MYLK: variants seen among roughly 807,000 people sequenced by gnomAD.
The protein encoded by MYLK is myosin light chain kinase.
A neutral mutation model predicts 203.4 loss-of-function variants in MYLK; 106 were observed. The ratio of observed to expected loss-of-function variants is 0.52; its 90% CI spans 0.45 to 0.61. The LOEUF (loss-of-function observed/expected upper bound fraction) is 0.61. Among genes scored for constraint, MYLK ranks in the 20% least tolerant of loss-of-function variants. The pLI is 0.00. For missense variants in MYLK, 2,072 were observed against 2,442.3 expected, an observed-to-expected ratio of 0.85 and a Z score of 3.20; for synonymous variants, 867 against 959.5, an observed-to-expected ratio of 0.90 and a Z score of 1.78.
chr3:123,843,011 G>A (rs1159321005), intron 2 of MYLK, among the ~76,000 whole-genome samples: 1 of 152,190 alleles, frequency 6.6e-6, no homozygotes, highest in African/African-American at 2.4e-5. Flanking sequence ...TAAGACAGAG[G>A]GCTTGCTGAG....
At chr3:123,622,494 T>C (rs1010104426) in intron 31 of MYLK, 5 of 152,272 alleles carry the variant, frequency 3.3e-5, no homozygotes, top group Non-Finnish European at 5.9e-5. Context: ...TGATGAGGAC[T>C]GTCTTCACCT....
intron 27 of MYLK, among the ~76,000 whole-genome samples, chr3:123,646,095 G>C (rs2059010834): frequency 6.6e-6 from 1 of 152,196 alleles, no homozygotes; most frequent in African/African-American, 2.4e-5. Context: ...CTGCCCTCCA[G>C]CCTCGGCGAC....
At chr3:123,751,831 G>T (rs2063202689) in intron 5 of MYLK, among the ~76,000 whole-genome samples, 1 of 152,160 alleles carries the variant, frequency 6.6e-6, no homozygotes, top group African/African-American at 2.4e-5. Context: ...AGACATCTGA[G>T]AACAGACTTG....
chr3:123,614,263 C>T lies in MYLK; in HGVS notation c.5587G>A (p.Gly1863Arg), dbSNP rs1559957355. ...TCACTAATAATTAAAGAGCAGTTCC[C>T]GTCCTCATCGTAGTCTATCTGGAAG... ...RHFQIDYDED[G>R]NCSLIISDVC... Residue 1863 changes from glycine to arginine, a missense_variant, in exon 34 of 34, where the codon GGG becomes AGG. Physicochemically the swap from Gly to Arg is moderately radical, Grantham distance 125. This residue lies in a region of MYLK where 524 missense variants were observed against 782.4 expected (regional missense o/e 0.67). Coordinates refer to ENST00000360304, the MANE Select transcript of MYLK (RefSeq NM_053025.4). The T allele has an allele frequency of 2.5e-6, 4 of 1,614,126 alleles. No homozygotes were observed. Among genetic ancestry groups the T allele is most frequent in the Non-Finnish European group, 3.4e-6 (4 of 1,180,020 alleles).
In MYLK at chr3:123,733,003, T is replaced by C. The variant is rs757468352; in HGVS notation, c.1409A>G (p.His470Arg). The stretch of plus-strand genomic sequence containing the variant: ...CCGGGCTTTCAGCAGGCAGAGGTAA[T>C]GGGAGCCAGCATCTTCATAAACCTC... ...SIEVYEDAGS[H>R]YLCLLKARTR... The change falls in exon 11 of 34, where the codon CAT becomes CGT. Residue 470 changes from histidine (H) to arginine (R), a missense_variant. Transcript: ENST00000360304. The C allele has an allele frequency of 1.2e-6, 2 of 1,614,176 alleles. No homozygotes were observed. The highest frequency in any genetic ancestry group is 8.5e-7 in the Non-Finnish European group (1 of 1,180,028).
At chr3:123,678,112 T>A (rs1468485916) in intron 20 of MYLK, among the ~76,000 whole-genome samples, 1 of 151,508 alleles carries the variant, frequency 6.6e-6, no homozygotes, top group African/African-American at 2.4e-5. Flanking sequence ...CGCAGTTGAG[T>A]GAGACTCGGC....
At chr3:123,724,830 T>C (rs1417987183) in intron 12 of MYLK, among the ~76,000 whole-genome samples, 1 of 152,128 alleles carries the variant, frequency 6.6e-6, no homozygotes, top group Non-Finnish European at 1.5e-5. Context: ...CTGCAACCTC[T>C]GGCTTCTGGG....
At chr3:123,631,345 C>A (rs1010115688) in intron 29 of MYLK, among the ~76,000 whole-genome samples, 1 of 150,586 alleles carries the variant, frequency 6.6e-6, no homozygotes, top group Non-Finnish European at 1.5e-5. Context: ...TTGCAGTGAG[C>A]CAATATCGCA....
rs372815942 is a variant in MYLK, at chr3:123,666,191, C to T, written c.3831+28G>A. On this transcript the variant is annotated intron_variant, in intron 22 of 33. Coordinates refer to ENST00000360304, the MANE Select transcript of MYLK (RefSeq NM_053025.4). ...GCTGTACGGATTATTCCCAGCACCCCCAGTGCCCACCCCATACCGTCACTG... is the reference window on the plus strand; with the variant it reads ...GCTGTACGGATTATTCCCAGCACCCTCAGTGCCCACCCCATACCGTCACTG... 1.2e-4 allele frequency: 200 copies of T among 1,614,096 alleles called. No homozygotes were observed. The Middle Eastern group carries it at 2.0e-3, about 16-fold the overall frequency.
intron 12 of MYLK, among the ~76,000 whole-genome samples, chr3:123,722,540 G>C (rs1280707301): frequency 6.6e-6 from 1 of 152,196 alleles, no homozygotes; most frequent in East Asian, 1.9e-4. Flanking sequence ...CTAGAGGGAT[G>C]GGGGAGGGAG....
At chr3:123,840,425 C>CTA (rs1302204293) in intron 2 of MYLK, among the ~76,000 whole-genome samples, 63 of 149,654 alleles carry the variant, frequency 4.2e-4, no homozygotes, top group African/African-American at 1.5e-3. Context: ...GTCTCTCTCT[C>CTA]TATATATATA....
At chr3:123,687,024 C>A (rs2060482304) in intron 19 of MYLK, among the ~76,000 whole-genome samples, 1 of 152,038 alleles carries the variant, frequency 6.6e-6, no homozygotes, top group Non-Finnish European at 1.5e-5. Context: ...GAGTTTGAGA[C>A]CAGACTGGCC....
At chr3:123,799,607 A>G (rs1577013654) in intron 3 of MYLK, among the ~76,000 whole-genome samples, 1 of 152,308 alleles carries the variant, frequency 6.6e-6, no homozygotes, top group Admixed American at 6.5e-5. Flanking sequence ...CCTACCTCCA[A>G]CAACAGCACA....
chr3:123,842,067 C>T (rs1164565929), intron 2 of MYLK, among the ~76,000 whole-genome samples: 3 of 151,952 alleles, frequency 2.0e-5, no homozygotes, highest in Admixed American at 6.6e-5. Context: ...CATTAAAAGA[C>T]AGATAAAATA....
chr3:123,651,844 T>G (rs187157148), intron 24 of MYLK, among the ~76,000 whole-genome samples: 1 of 152,356 alleles, frequency 6.6e-6, no homozygotes, highest in Non-Finnish European at 1.5e-5. Flanking sequence ...GTGGCAGATC[T>G]GATTCTCATG....
chr3:123,790,756 CT>C (rs1576986577), intron 4 of MYLK, among the ~76,000 whole-genome samples: 1 of 152,224 alleles, frequency 6.6e-6, no homozygotes, highest in East Asian at 1.9e-4. Flanking sequence ...ATCTTTAGAA[CT>C]TTCTCACATC....
At chr3:123,840,564 G>A (rs562823366) in intron 2 of MYLK, among the ~76,000 whole-genome samples, 1 of 151,048 alleles carries the variant, frequency 6.6e-6, no homozygotes, top group South Asian at 2.1e-4. Flanking sequence ...AATTTTATGA[G>A]AGCAACATTA....
At chr3:123,699,579 A>C (rs2061091319) in intron 18 of MYLK, among the ~76,000 whole-genome samples, 1 of 152,226 alleles carries the variant, frequency 6.6e-6, no homozygotes, top group Admixed American at 6.5e-5. Context: ...ATGCTTCTCT[A>C]AACAGCTCTT....
At chr3:123,843,189 T>G (rs2066634356) in intron 2 of MYLK, among the ~76,000 whole-genome samples, 1 of 152,174 alleles carries the variant, frequency 6.6e-6, no homozygotes, top group East Asian at 1.9e-4. Context: ...CTAAACCATG[T>G]TGTCAAAGCA....
Sources: gnomAD v4.1 joint callset for allele counts (sites outside exome capture counted in the v4.1 genomes callset) on GRCh38, gnomAD v4.1.1 for gene constraint, gnomAD v4.1.1 regional missense constraint, MANE v1.5 for transcripts, NCBI Gene and HGNC (gene_info 2026-07-23, HGNC 2026-07-21) for gene names.